The following SDC3 variants were observed in gnomAD, a reference collection of about 807,000 sequenced individuals.
SDC3 encodes syndecan 3, also known as syndecan-3.
A neutral mutation model predicts 24.4 loss-of-function variants in SDC3; 13 were observed. The observed-to-expected ratio is 0.53, with a 90% CI of 0.35 to 0.85. The LOEUF (loss-of-function observed/expected upper bound fraction) is 0.85. Among genes scored for constraint, SDC3 ranks in the 40% least tolerant of loss-of-function variants. The pLI, the probability that SDC3 is intolerant of heterozygous loss-of-function variation, is 0.01. For missense variants in SDC3, 571 were observed against 584.5 expected, an observed-to-expected ratio of 0.98 and a Z score of 0.24; for synonymous variants, 295 against 260.9, an observed-to-expected ratio of 1.13 and a Z score of -1.26.
At chr1:30,906,269 G>A (rs1009853130) in intron 1 of SDC3, among the ~76,000 whole-genome samples, 7 of 152,082 alleles carry the variant, frequency 4.6e-5, no homozygotes, top group African/African-American at 1.7e-4. Context: ...GAGGCCTGGA[G>A]GACACTCCAC....
intron 1 of SDC3, among the ~76,000 whole-genome samples, chr1:30,884,275 A>AC (rs36080877): frequency 0.067 from 9,943 of 147,448 alleles, 372 homozygotes; most frequent in Middle Eastern, 0.097. Context: ...AACACCACAG[A>AC]CCCCCCCCAA....
intron 1 of SDC3, among the ~76,000 whole-genome samples, chr1:30,906,019 T>C (rs558786174): frequency 2.2e-4 from 33 of 151,922 alleles, no homozygotes; most frequent in South Asian, 1.0e-3. Context: ...AGGGTCATCA[T>C]GTCCCTGCCC....
chr1:30,880,934 C>T (rs1285976952), intron 1 of SDC3, among the ~76,000 whole-genome samples: 2 of 151,766 alleles, frequency 1.3e-5, no homozygotes, highest in Non-Finnish European at 2.9e-5. Flanking sequence ...CTGCCAGCTT[C>T]TCCTTGACCC....
chr1:30,895,933 G>A (rs936725249), intron 1 of SDC3, among the ~76,000 whole-genome samples: 2 of 152,098 alleles, frequency 1.3e-5, no homozygotes, highest in Admixed American at 6.5e-5. Context: ...TTGGAGAGGA[G>A]AAGGTCTCCT....
chr1:30,875,505 A>G (rs777829209), intron 3 of SDC3, among the ~76,000 whole-genome samples: 35 of 152,282 alleles, frequency 2.3e-4, no homozygotes, highest in Admixed American at 5.9e-4. Context: ...ACCCCAAGGC[A>G]GCGCCACGGC....
In SDC3 at chr1:30,869,579, C is replaced by T; in HGVS notation, c.*3632G>A. 2.5e-6 allele frequency: 1 copy of T among 395,644 alleles called. No homozygotes were observed. The allele number at this position is 395,644 out of a possible 1,614,324, so 24.5% of individuals were successfully genotyped here. On this transcript the variant is annotated 3_prime_UTR_variant, in exon 5 of 5. Coordinates refer to ENST00000339394, the MANE Select transcript of SDC3 (RefSeq NM_014654.4). ...AAAAAAAACAAAAACAAAACCAGTT[C>T]CTTCACAAGGCTGGAACAGGAGAGT... is the stretch of plus-strand genomic sequence containing the variant.
intron 1 of SDC3, among the ~76,000 whole-genome samples, chr1:30,906,898 C>T (rs1459489356): frequency 6.6e-6 from 1 of 152,232 alleles, no homozygotes; most frequent in Non-Finnish European, 1.5e-5. Flanking sequence ...CTCTTCCTCT[C>T]ACCCCACTTA....
intron 1 of SDC3, among the ~76,000 whole-genome samples, chr1:30,881,016 C>T (rs949722958): frequency 2.7e-5 from 4 of 148,544 alleles, no homozygotes; most frequent in South Asian, 2.2e-4. Context: ...CCAAGACACG[C>T]GCGCACGCAT....
chr1:30,869,540 A>C lies in SDC3; in HGVS notation c.*3671T>G, dbSNP rs45440502. On this transcript the variant is annotated 3_prime_UTR_variant, in exon 5 of 5. Transcript: ENST00000339394. ...AGTGTTAAAAAAACAAACAAACAAAAAAAAAAAAAAAAAAAAAAAAACAAA... is the reference window on the plus strand; with the variant it reads ...AGTGTTAAAAAAACAAACAAACAAACAAAAAAAAAAAAAAAAAAAAACAAA... 42,195 of 230,102 alleles carry C rather than the reference A, an allele frequency of 0.18. 1,464 individuals are homozygous for C. The highest frequency in any genetic ancestry group is 0.22 in the Non-Finnish European group (28,915 of 132,342). The allele number at this position is 230,102 out of a possible 1,614,324, so 14.3% of individuals were successfully genotyped here.
intron 1 of SDC3, among the ~76,000 whole-genome samples, chr1:30,898,346 T>C: frequency 6.6e-6 from 1 of 152,164 alleles, no homozygotes; most frequent in East Asian, 1.9e-4. Flanking sequence ...GAAGTCTTCC[T>C]AGTCTTCAGG....
At chr1:30,886,712 T>C (rs993819846) in intron 1 of SDC3, among the ~76,000 whole-genome samples, 3 of 152,104 alleles carry the variant, frequency 2.0e-5, no homozygotes, top group African/African-American at 7.2e-5. Flanking sequence ...CAAGACTCCT[T>C]CCACTGAGCA....
chr1:30,874,572 G>A lies in SDC3; in HGVS notation c.887C>T (p.Thr296Ile), dbSNP rs755040871. 3.1e-6 allele frequency: 5 copies of A among 1,614,126 alleles called. No homozygotes were observed. The highest frequency in any genetic ancestry group is 2.7e-5 in the African/African-American group (2 of 75,042). ...CTCATCCCGGATTGTGGTCAGGAAG[G>A]TCTCTGGAGTTGGGGTCTGCAGAGA... Reference protein sequence around the residue: ...TEVAQTPTPETFLTTIRDEPE... With the variant: ...TEVAQTPTPEIFLTTIRDEPE... Residue 296 changes from threonine to isoleucine, a missense_variant, in exon 4 of 5, where the codon ACC (threonine) becomes ATC (isoleucine). Physicochemically the swap from Thr to Ile is moderately conservative, Grantham distance 89. Transcript: ENST00000339394.
intron 1 of SDC3, among the ~76,000 whole-genome samples, chr1:30,904,456 C>A (rs1475480926): frequency 1.3e-5 from 2 of 151,988 alleles, no homozygotes; most frequent in Non-Finnish European, 2.9e-5. Flanking sequence ...TGGGAGGAGC[C>A]ACTGGGTTTC....
chr1:30,882,241 G>A lies in SDC3; in HGVS notation c.139-3501C>T, dbSNP rs546410295. Among the ~76,000 whole-genome samples the A allele has an allele frequency of 5.3e-5, 8 of 152,218 alleles. No homozygotes were observed. The South Asian group carries it at 8.3e-4, about 16-fold the overall frequency. ...GCGCGCAAACACGCACTTTCCTTCCGGGTACACACAAGTGCACACACACAT... is the reference window on the plus strand; with the variant it reads ...GCGCGCAAACACGCACTTTCCTTCCAGGTACACACAAGTGCACACACACAT... On this transcript the variant is annotated intron_variant, in intron 1 of 4. Transcript: ENST00000339394.
chr1:30,901,335 T>C (rs761517209), intron 1 of SDC3, among the ~76,000 whole-genome samples: 53 of 152,128 alleles, frequency 3.5e-4, no homozygotes, highest in Non-Finnish European at 6.8e-4. Flanking sequence ...TAAACATCAA[T>C]AGTCACCTAC....
chr1:30,877,302 G>C, intron 2 of SDC3, 137 bp from the exon 3 acceptor site: 1 of 1,166,830 alleles, frequency 8.6e-7, no homozygotes, highest in Non-Finnish European at 1.2e-6. Context: ...GAAAAGATGA[G>C]AGAAAGGAGG....
At chr1:30,896,571 T>C (rs1640000444) in intron 1 of SDC3, among the ~76,000 whole-genome samples, 1 of 151,792 alleles carries the variant, frequency 6.6e-6, no homozygotes, top group African/African-American at 2.4e-5. Context: ...CACTGAAGAA[T>C]AAAGGAACAG....
At chr1:30,878,242 T>G in intron 2 of SDC3, 1 of 168,362 alleles carries the variant, frequency 5.9e-6, no homozygotes. Flanking sequence ...GGCGGGGCCA[T>G]CCCAGGCACC....
chr1:30,894,602 TGTGTGG>T (rs1639971293), intron 1 of SDC3, among the ~76,000 whole-genome samples: 1 of 138,982 alleles, frequency 7.2e-6, no homozygotes, highest in Admixed American at 7.2e-5. Context: ...TGTGTGGGTG[TGTGTGG>T]ATGAGTGTGA....
Sources: allele counts gnomAD v4.1 joint callset (sites outside exome capture counted in the v4.1 genomes callset), GRCh38; gene constraint gnomAD v4.1.1; transcripts MANE v1.5; gene names NCBI Gene and HGNC (gene_info 2026-07-23, HGNC 2026-07-21).